Variants in TNS1 observed in about 807,000 individuals in gnomAD.
The protein encoded by TNS1 is tensin-1.
A neutral mutation model predicts 168.6 loss-of-function variants in TNS1; 62 were observed. The ratio of observed to expected loss-of-function variants is 0.37; its 90% CI spans 0.30 to 0.45. The LOEUF is 0.45. TNS1 is among the 20% of genes least tolerant of loss of function. The probability of loss-of-function intolerance (pLI) is 1.00; values close to 1 mark genes in which losing one functional copy is unlikely to be tolerated. For missense variants in TNS1, 2,240 were observed against 2,339.4 expected (o/e 0.96, Z 0.88); for synonymous variants, 934 against 933.2 (o/e 1.00, Z -0.02).
intron 9 of TNS1, 128 bp from the exon 10 acceptor site, chr2:217,893,689 T>G: frequency 7.3e-7 from 1 of 1,364,528 alleles, no homozygotes; most frequent in Non-Finnish European, 9.9e-7. Context: ...TGCCAGGACT[T>G]GGTTCCTCCC....
intron 19 of TNS1, among the ~76,000 whole-genome samples, chr2:217,839,955 C>T (rs1489559015): frequency 3.9e-5 from 6 of 152,210 alleles, no homozygotes; most frequent in Admixed American, 6.5e-5. Context: ...CCCCTTGAGG[C>T]AGGCCCACCA....
At chr2:217,879,215 T>G in intron 18 of TNS1, 3 of 299,382 alleles carry the variant, frequency 1.0e-5, no homozygotes, top group South Asian at 7.3e-5. Context: ...TGCCTGGCAC[T>G]TTATAGTTTA....
chr2:218,033,527 G>A lies in TNS1; in HGVS notation c.156+293C>T, dbSNP rs1452914391. On this transcript the variant is annotated intron_variant, in intron 1 of 1. Coordinates refer to the TNS1 transcript ENST00000649572. This position sits in a 1 kb window ranked among gnomAD's most constrained non-coding sequence, Gnocchi z 4.3. ...CCAGCACTCCAGGCCTGCCCCTCCT[G>A]GGTGACTCCTAAACCAACCTCACCC... 6.6e-6 allele frequency among the ~76,000 whole-genome samples: 1 copy of A among 152,082 alleles called. No homozygotes were observed. Among genetic ancestry groups the A allele is most frequent in the Admixed American group, 6.5e-5 (1 of 15,280 alleles).
intron 19 of TNS1, among the ~76,000 whole-genome samples, chr2:217,846,522 C>G (rs1018112109): frequency 6.6e-6 from 1 of 152,208 alleles, no homozygotes; most frequent in Admixed American, 6.5e-5. Flanking sequence ...TGAGCTCCCA[C>G]CACCCTGTCA....
chr2:217,844,871 G>A (rs972780754), intron 19 of TNS1, among the ~76,000 whole-genome samples: 1 of 152,174 alleles, frequency 6.6e-6, no homozygotes, highest in African/African-American at 2.4e-5. Context: ...AACTCAGTTG[G>A]ACTCTCCAAC....
intron 22 of TNS1, chr2:217,830,423 C>A: frequency 6.2e-7 from 1 of 1,611,214 alleles, no homozygotes; most frequent in Non-Finnish European, 8.5e-7. Context: ...CCCCAATAGC[C>A]CCCACCCAGC....
intron 3 of TNS1, among the ~76,000 whole-genome samples, chr2:217,968,430 G>A (rs1250061462): frequency 1.3e-5 from 2 of 152,036 alleles, no homozygotes; most frequent in East Asian, 3.9e-4. Context: ...AATAAATACT[G>A]ATGATTGTAA....
At chr2:217,903,612 A>G in intron 6 of TNS1, 1 of 1,535,996 alleles carries the variant, frequency 6.5e-7, no homozygotes, top group Non-Finnish European at 8.7e-7. Flanking sequence ...CCTCCAAAAC[A>G]CAATCCTTCC....
At chr2:217,881,257 A>G (rs1167332931) in intron 17 of TNS1, 2 of 476,924 alleles carry the variant, frequency 4.2e-6, no homozygotes, top group Non-Finnish European at 7.4e-6. Flanking sequence ...CAGGACAGGC[A>G]CTGAAGAATG....
At chr2:217,968,342 A>G (rs1326654507) in intron 3 of TNS1, among the ~76,000 whole-genome samples, 1 of 152,236 alleles carries the variant, frequency 6.6e-6, no homozygotes, top group East Asian at 1.9e-4. Context: ...TGGAAAGGAA[A>G]AACTAAAACT....
Position 217,813,717 on chromosome 2 carries a change from G to T in TNS1, c.4829C>A (p.Pro1610Gln). 1 of 1,613,496 alleles carries T rather than the reference G, an allele frequency of 6.2e-7. No homozygotes were observed. Residue 1610 changes from proline (P) to glutamine (Q), a missense_variant, in exon 26 of 33, where the codon CCA (proline) becomes CAA (glutamine). Physicochemically the swap from Pro to Gln is moderately conservative, Grantham distance 76. This residue lies in a region of TNS1 where 2,131 missense variants were observed against 2,171.2 expected (regional missense o/e 0.98). Coordinates refer to ENST00000682258, the MANE Select transcript of TNS1 (RefSeq NM_001387777.1). The surrounding 1 kb of genome is among the most constrained non-coding windows in gnomAD (Gnocchi z 4.0). ...AYGLAMKVSS[P>Q]PPTIMQQNKK... ...ATTCTGCTGCATGATGGTTGGAGGT[G>T]GCGAAGACACCTTCATGGCCAGCCC... is the stretch of plus-strand genomic sequence containing the variant.
upstream of TNS1, among the ~76,000 whole-genome samples, chr2:218,005,890 C>T (rs896806781): frequency 6.6e-6 from 1 of 152,360 alleles, no homozygotes; most frequent in Non-Finnish European, 1.5e-5. Context: ...GCTGCCAATG[C>T]CCCATTCCCA....
intron 4 of TNS1, among the ~76,000 whole-genome samples, chr2:217,910,994 C>A (rs1261871900): frequency 6.6e-6 from 1 of 152,186 alleles, no homozygotes; most frequent in African/African-American, 2.4e-5. Context: ...ATCCTGCTGG[C>A]AGGGTGAGCT....
In TNS1 at chr2:217,937,153, T is replaced by C. The variant is rs111699089; in HGVS notation, c.187-16917A>G. On this transcript the variant is annotated intron_variant, in intron 3 of 32. Transcript: ENST00000682258. ...GCTGCCTCCTGCTTGACATTCCCACTGCGTTTTGCAGCAACACTCTGTCTA... is the reference window on the plus strand; with the variant it reads ...GCTGCCTCCTGCTTGACATTCCCACCGCGTTTTGCAGCAACACTCTGTCTA... 3,204 of 405,660 alleles carry C rather than the reference T, an allele frequency of 7.9e-3. 94 individuals are homozygous for C. The highest frequency in any genetic ancestry group is 0.061 in the African/African-American group (2,893 of 47,664). 25.1% of individuals were successfully genotyped at this position (405,660 alleles called of 1,614,324 possible).
At chr2:217,898,074 G>T (rs1382627807) in intron 7 of TNS1, 105 bp from the exon 8 acceptor site, 4 of 1,305,970 alleles carry the variant, frequency 3.1e-6, no homozygotes, top group Non-Finnish European at 3.0e-6. Context: ...CCCATATGCA[G>T]CCCAGGGTGC....
In TNS1 at chr2:217,813,712, G is replaced by C; in HGVS notation, c.4834C>G (p.Pro1612Ala). 1 of 1,613,168 alleles carries C rather than the reference G, an allele frequency of 6.2e-7. No individual in the cohort carries two copies. Among genetic ancestry groups the C allele is most frequent in the Non-Finnish European group, 8.5e-7 (1 of 1,179,510 alleles). Residue 1612 changes from proline (P) to alanine (A), a missense_variant, in exon 26 of 33, where the codon CCA becomes GCA. This residue lies in a region of TNS1 where 2,131 missense variants were observed against 2,171.2 expected (regional missense o/e 0.98). Coordinates refer to ENST00000682258, the MANE Select transcript of TNS1 (RefSeq NM_001387777.1). This position sits in a 1 kb window ranked among gnomAD's most constrained non-coding sequence, Gnocchi z 4.0. Reference protein sequence around the residue: ...GLAMKVSSPPPTIMQQNKKGD... With the variant: ...GLAMKVSSPPATIMQQNKKGD... Reference sequence around the variant, plus strand: ...TTTTTATTCTGCTGCATGATGGTTGGAGGTGGCGAAGACACCTTCATGGCC... The same window carrying C: ...TTTTTATTCTGCTGCATGATGGTTGCAGGTGGCGAAGACACCTTCATGGCC...
intron 18 of TNS1, among the ~76,000 whole-genome samples, chr2:217,864,613 A>G (rs905310949): frequency 6.6e-6 from 1 of 152,250 alleles, no homozygotes; most frequent in African/African-American, 2.4e-5. Context: ...ATGCTGGTTT[A>G]TAACAAACTC....
intron 32 of TNS1, among the ~76,000 whole-genome samples, chr2:217,806,119 C>T (rs762056822): frequency 1.1e-4 from 16 of 152,176 alleles, no homozygotes; most frequent in Non-Finnish European, 2.4e-4. Context: ...GCCCTGGCTG[C>T]GGGTGTCTAC....
chr2:217,911,345 G>A (rs1450517555), intron 4 of TNS1, among the ~76,000 whole-genome samples: 1 of 152,222 alleles, frequency 6.6e-6, no homozygotes, highest in Non-Finnish European at 1.5e-5. Context: ...CCAGCAGTTA[G>A]AGCAAAGCAA....
Sources: gnomAD v4.1 joint callset for allele counts (sites outside exome capture counted in the v4.1 genomes callset) on GRCh38, gnomAD v4.1.1 for gene constraint, gnomAD v4.1.1 regional missense constraint, Gnocchi (gnomAD v3.1) non-coding constraint, MANE v1.5 for transcripts, NCBI Gene and HGNC (gene_info 2026-07-23, HGNC 2026-07-21) for gene names.